The following TRERF1 variants were observed in gnomAD, a reference collection of about 807,000 sequenced individuals.
TRERF1 encodes the protein transcriptional regulating factor 1.
TRERF1 carries 27 observed loss-of-function variants against 122.9 expected under a neutral mutation model. The ratio of observed to expected loss-of-function variants is 0.22; its 90% CI spans 0.16 to 0.30. The LOEUF (loss-of-function observed/expected upper bound fraction) is 0.30. Ranked by LOEUF, TRERF1 falls within the 10% of genes least tolerant of loss-of-function variation. The pLI is 1.00. For missense variants in TRERF1, 1,248 were observed against 1,560.3 expected, an observed-to-expected ratio of 0.80 and a Z score of 3.37; for synonymous variants, 636 against 641.7, an observed-to-expected ratio of 0.99 and a Z score of 0.13.
intron 4 of TRERF1, among the ~76,000 whole-genome samples, chr6:42,299,217 T>TCTATCTAC (rs1204243355): frequency 1.3e-5 from 2 of 151,636 alleles, no homozygotes; most frequent in Non-Finnish European, 2.9e-5. Flanking sequence ...TATCTATCTA[T>TCTATCTAC]CTATCTATCT....
intron 15 of TRERF1, among the ~76,000 whole-genome samples, chr6:42,240,091 A>G (rs1471801160): frequency 6.6e-6 from 1 of 152,168 alleles, no homozygotes; most frequent in African/African-American, 2.4e-5. Context: ...GCAGTCCGAG[A>G]CGGTGCCTCT....
chr6:42,427,487 G>C, intron 2 of TRERF1, among the ~76,000 whole-genome samples: 1 of 149,414 alleles, frequency 6.7e-6, no homozygotes, highest in East Asian at 2.0e-4. Context: ...CTGGGCTCAA[G>C]GGATCCTCCT....
intron 2 of TRERF1, among the ~76,000 whole-genome samples, chr6:42,407,709 CCCT>C (rs1184207333): frequency 6.6e-6 from 1 of 152,008 alleles, no homozygotes; most frequent in Non-Finnish European, 1.5e-5. Flanking sequence ...AGAATTTCCC[CCCT>C]CCTTTCTTCT....
chr6:42,365,431 G>T (rs1772544216), intron 2 of TRERF1, among the ~76,000 whole-genome samples: 1 of 152,112 alleles, frequency 6.6e-6, no homozygotes, highest in African/African-American at 2.4e-5. Context: ...TTCTGTGAAG[G>T]CTTCATCATT....
chr6:42,299,116 C>CTGTCTGTCTGTA (rs10627056), intron 4 of TRERF1, among the ~76,000 whole-genome samples: 55 of 141,746 alleles, frequency 3.9e-4, no homozygotes, highest in African/African-American at 1.4e-3. Context: ...GTCTGTCTGT[C>CTGTCTGTCTGTA]TCTATCTATC....
At chr6:42,252,467 G>A (rs1433847162) in intron 13 of TRERF1, among the ~76,000 whole-genome samples, 1 of 152,152 alleles carries the variant, frequency 6.6e-6, no homozygotes, top group African/African-American at 2.4e-5. Context: ...TTCGGGGCTG[G>A]GACTCAGGAT....
intron 2 of TRERF1, among the ~76,000 whole-genome samples, chr6:42,371,415 G>T (rs796655368): frequency 5.9e-5 from 9 of 152,262 alleles, no homozygotes; most frequent in African/African-American, 2.2e-4. Flanking sequence ...CAACAGGAGT[G>T]GGTGGCAAAA....
At chr6:42,317,143 A>T (rs543949200) in intron 3 of TRERF1, among the ~76,000 whole-genome samples, 2 of 152,028 alleles carry the variant, frequency 1.3e-5, no homozygotes, top group African/African-American at 4.8e-5. Flanking sequence ...CCACAAAATT[A>T]TCCGTAGAAC....
At chr6:42,340,817 T>G (rs1274582879) in intron 3 of TRERF1, among the ~76,000 whole-genome samples, 1 of 152,170 alleles carries the variant, frequency 6.6e-6, no homozygotes, top group Non-Finnish European at 1.5e-5. Flanking sequence ...TCTCAGAGGA[T>G]TCTTCTGAAA....
intron 2 of TRERF1, among the ~76,000 whole-genome samples, chr6:42,405,661 G>A (rs1313266974): frequency 6.6e-6 from 1 of 151,970 alleles, no homozygotes; most frequent in East Asian, 1.9e-4. Flanking sequence ...CAGGCATGGT[G>A]ATGCACATCT....
intron 2 of TRERF1, among the ~76,000 whole-genome samples, chr6:42,378,142 G>A (rs1156671884): frequency 6.6e-6 from 1 of 152,108 alleles, no homozygotes; most frequent in East Asian, 1.9e-4. Context: ...GGGCAGGTGA[G>A]GGGTTGAAGG....
chr6:42,406,203 C>T (rs1752024618), intron 2 of TRERF1, among the ~76,000 whole-genome samples: 1 of 152,182 alleles, frequency 6.6e-6, no homozygotes, highest in Non-Finnish European at 1.5e-5. Context: ...GGGACCTGGC[C>T]CCAGGTGACT....
intron 8 of TRERF1, among the ~76,000 whole-genome samples, chr6:42,262,591 G>GAGAGAGAGAGAGAGAGAA (rs1778356846): frequency 6.7e-6 from 1 of 148,730 alleles, no homozygotes; most frequent in Non-Finnish European, 1.5e-5. Context: ...GAGAGAGAGA[G>GAGAGAGAGAGAGAGAGAA]AGAGAGAGAC....
rs1489213814 is a variant in TRERF1 at position 42,328,333 on chromosome 6, C to A, written c.-370-27584G>T. Reference sequence around the variant, plus strand: ...CAACTATCCCTAATTAAAAAACAAACAAACAAACAAAAAAACAACTTTTAT... The same window carrying A: ...CAACTATCCCTAATTAAAAAACAAAAAAACAAACAAAAAAACAACTTTTAT... On this transcript the variant is annotated intron_variant, in intron 3 of 17. Coordinates refer to ENST00000372922, the Ensembl canonical transcript of TRERF1. Among the ~76,000 whole-genome samples, 77 of 152,042 alleles carry A rather than the reference C, an allele frequency of 5.1e-4. 1 individual carries two copies. The highest frequency in any genetic ancestry group is 1.8e-3 in the African/African-American group (73 of 41,438).
At chr6:42,271,855 A>G (rs1396463880) in intron 4 of TRERF1, among the ~76,000 whole-genome samples, 1 of 152,226 alleles carries the variant, frequency 6.6e-6, no homozygotes, top group East Asian at 1.9e-4. Context: ...CAAGTGAAAA[A>G]GTTCCAAGCA....
exon 18 of TRERF1, chr6:42,226,725 T>G (rs1769590763): frequency 6.6e-6 from 1 of 152,286 alleles, no homozygotes; most frequent in Non-Finnish European, 1.5e-5. Flanking sequence ...TAAATGCTTT[T>G]GCAGAGTCAA....
At chr6:42,264,978 G>T (rs1778899398) in intron 6 of TRERF1, 124 bp from the exon 7 acceptor site, 1 of 1,062,484 alleles carries the variant, frequency 9.4e-7, no homozygotes, top group Non-Finnish European at 1.4e-6. Flanking sequence ...CATTGTCCAT[G>T]GCACCACTTG....
intron 2 of TRERF1, among the ~76,000 whole-genome samples, chr6:42,410,367 T>G (rs1349814244): frequency 1.3e-5 from 2 of 152,102 alleles, no homozygotes; most frequent in Non-Finnish European, 2.9e-5. Flanking sequence ...CAGACTAGTC[T>G]AGAACTCCTG....
intron 2 of TRERF1, among the ~76,000 whole-genome samples, chr6:42,419,046 G>A (rs561342501): frequency 1.3e-5 from 2 of 152,224 alleles, no homozygotes; most frequent in South Asian, 2.1e-4. Context: ...GTTACAACCC[G>A]GGTCAAGGGA....
Sources: gnomAD v4.1 joint callset for allele counts (sites outside exome capture counted in the v4.1 genomes callset) on GRCh38, gnomAD v4.1.1 for gene constraint, MANE v1.5 for transcripts, NCBI Gene and HGNC (gene_info 2026-07-23, HGNC 2026-07-21) for gene names.